CTDSPL: variants seen among roughly 807,000 people sequenced by gnomAD.
CTDSPL encodes CTD small phosphatase like, also known as CTD small phosphatase-like protein.
A neutral mutation model predicts 30.5 loss-of-function variants in CTDSPL; 8 were observed. The ratio of observed to expected loss-of-function variants is 0.26; its 90% confidence interval spans 0.15 to 0.47. CTDSPL has a LOEUF of 0.47. Among genes scored for constraint, CTDSPL ranks in the 20% least tolerant of loss-of-function variants. CTDSPL has a pLI of 0.99. For missense variants in CTDSPL, 248 were observed against 366.1 expected, an observed-to-expected ratio of 0.68 and a Z score of 2.63; for synonymous variants, 110 against 137.9, an observed-to-expected ratio of 0.80 and a Z score of 1.42.
At chr3:37,953,621 A>G (rs887140373) in intron 2 of CTDSPL, among the ~76,000 whole-genome samples, 1 of 152,226 alleles carries the variant, frequency 6.6e-6, no homozygotes, top group African/African-American at 2.4e-5. Context: ...CAAGAGTGGC[A>G]ATGTTAATAT....
chr3:37,968,318 G>T (rs1348806371), intron 5 of CTDSPL: 4 of 435,950 alleles, frequency 9.2e-6, no homozygotes, highest in Non-Finnish European at 1.8e-5. Context: ...TATCATTCCT[G>T]CATCGTTTTC....
intron 7 of CTDSPL, among the ~76,000 whole-genome samples, chr3:37,978,840 G>C (rs539545628): frequency 6.6e-6 from 1 of 152,180 alleles, no homozygotes; most frequent in South Asian, 2.1e-4. Context: ...ATTGCTAATG[G>C]GATATACTTT....
intron 4 of CTDSPL, 25 bp from the exon 5 acceptor site, chr3:37,967,801 T>G (rs1392888482): frequency 6.5e-7 from 1 of 1,527,740 alleles, no homozygotes; most frequent in Admixed American, 2.0e-5. Flanking sequence ...TCAGACATAT[T>G]AATTATAGTC....
intron 1 of CTDSPL, chr3:37,911,794 C>G: frequency 2.2e-6 from 1 of 452,900 alleles, no homozygotes; most frequent in Non-Finnish European, 4.5e-6. Flanking sequence ...CGCGGTGGTT[C>G]ACGCCTATAA....
intron 2 of CTDSPL, among the ~76,000 whole-genome samples, chr3:37,952,444 G>C (rs1699121399): frequency 6.6e-6 from 1 of 152,162 alleles, no homozygotes; most frequent in Non-Finnish European, 1.5e-5. Context: ...TGATCTCAAA[G>C]TCGCAAGCTT....
At chr3:37,868,623 G>A (rs924152610) in intron 1 of CTDSPL, among the ~76,000 whole-genome samples, 1 of 152,030 alleles carries the variant, frequency 6.6e-6, no homozygotes, top group Non-Finnish European at 1.5e-5. Context: ...GTCTCTGAGT[G>A]TCTGGTTGCT....
intron 5 of CTDSPL, chr3:37,968,126 T>C (rs1419689789): frequency 4.6e-5 from 22 of 477,918 alleles, no homozygotes; most frequent in Non-Finnish European, 6.4e-5. Context: ...GTTCTTTGAT[T>C]TGAATTTCAG....
intron 1 of CTDSPL, among the ~76,000 whole-genome samples, chr3:37,896,019 G>T (rs529576308): frequency 6.6e-6 from 1 of 152,258 alleles, no homozygotes; most frequent in East Asian, 1.9e-4. Context: ...GTTGGTTGAG[G>T]CTTCATTGGG....
In CTDSPL at chr3:37,861,984, G is replaced by C. The variant is rs1233294504; in HGVS notation, c.-216G>C. 2 of 146,292 alleles carry C rather than the reference G, an allele frequency of 1.4e-5. No individual in the cohort carries two copies. Among genetic ancestry groups the C allele is most frequent in the Non-Finnish European group, 1.5e-5 (1 of 65,970 alleles). The allele number at this position is 146,292 out of a possible 1,614,324, so 9.1% of individuals were successfully genotyped here. The stretch of plus-strand genomic sequence containing the variant: ...GCGCGGCTCCGGGGTTCATGGTGAC[G>C]AGGCGGCGGCCGCTCGAGCCCAGCG... On this transcript the variant is annotated 5_prime_UTR_variant, in exon 1 of 8. Coordinates refer to ENST00000273179, the MANE Select transcript of CTDSPL (RefSeq NM_001008392.2).
At chr3:37,892,161 AAC>A (rs1430599324) in intron 1 of CTDSPL, among the ~76,000 whole-genome samples, 1 of 152,168 alleles carries the variant, frequency 6.6e-6, no homozygotes, top group Non-Finnish European at 1.5e-5. Flanking sequence ...GTGCTGCATT[AAC>A]ACCTTTAACT....
chr3:37,953,517 C>T lies in CTDSPL; in HGVS notation c.235-3594C>T, dbSNP rs186361375. Among the ~76,000 whole-genome samples, 277 of 152,222 alleles carry T rather than the reference C, an allele frequency of 1.8e-3. 1 individual carries two copies. Among genetic ancestry groups the T allele is most frequent in the African/African-American group, 6.5e-3 (270 of 41,550 alleles). On this transcript the variant is annotated intron_variant, in intron 2 of 7. Coordinates refer to ENST00000273179, the MANE Select transcript of CTDSPL (RefSeq NM_001008392.2). ...TGGTGGACAGTGCTAATGACAATTA[C>T]AGTAGGTGACAGTTTCTGACATAAC...
At chr3:37,964,696 C>T (rs1395614530) in intron 4 of CTDSPL, 24 bp downstream of exon 4, 1 of 1,490,116 alleles carries the variant, frequency 6.7e-7, no homozygotes, top group East Asian at 2.3e-5. Context: ...AAAAAAAAAT[C>T]CATGATCTTT....
chr3:37,936,067 A>G (rs754378024), intron 1 of CTDSPL, among the ~76,000 whole-genome samples: 2 of 152,204 alleles, frequency 1.3e-5, no homozygotes, highest in Non-Finnish European at 2.9e-5. Flanking sequence ...TTATGAACCC[A>G]CAGTGGATGG....
At chr3:37,888,641 A>G (rs1242775902) in intron 1 of CTDSPL, among the ~76,000 whole-genome samples, 1 of 152,224 alleles carries the variant, frequency 6.6e-6, no homozygotes, top group Non-Finnish European at 1.5e-5. Context: ...AAGGGAACTG[A>G]CTGGTTTACA....
At chr3:37,918,228 C>G (rs1698672359) in intron 1 of CTDSPL, among the ~76,000 whole-genome samples, 1 of 151,988 alleles carries the variant, frequency 6.6e-6, no homozygotes, top group African/African-American at 2.4e-5. Flanking sequence ...TTGTGCAGGT[C>G]ACTTCATTTC....
rs556801147 is a variant in CTDSPL at position 37,958,992 on chromosome 3, G to A, written c.267+1849G>A. On this transcript the variant is annotated intron_variant, in intron 3 of 7. Coordinates refer to ENST00000273179, the MANE Select transcript of CTDSPL (RefSeq NM_001008392.2). ...AAAGGCGCCAGGTTGCATAAGCAGCGTGGTTCTGGCCTTTCTGGACCTCAG... is the reference window on the plus strand; with the variant it reads ...AAAGGCGCCAGGTTGCATAAGCAGCATGGTTCTGGCCTTTCTGGACCTCAG... Among the ~76,000 whole-genome samples, 95 of 152,196 alleles carry A rather than the reference G, an allele frequency of 6.2e-4. 1 individual carries two copies. Among genetic ancestry groups the A allele is most frequent in the Non-Finnish European group, 1.1e-3 (74 of 68,036 alleles).
intron 1 of CTDSPL, among the ~76,000 whole-genome samples, chr3:37,921,756 G>A (rs1698719293): frequency 6.6e-6 from 1 of 152,190 alleles, no homozygotes; most frequent in Non-Finnish European, 1.5e-5. Flanking sequence ...CACCTGTAAG[G>A]AAGTGGTGTT....
intron 1 of CTDSPL, among the ~76,000 whole-genome samples, chr3:37,902,400 G>A (rs779119955): frequency 2.6e-5 from 4 of 151,822 alleles, no homozygotes; most frequent in South Asian, 2.1e-4. Flanking sequence ...AGGACATAGG[G>A]AAACTTGGTA....
chr3:37,978,858 G>C (rs1699457966), intron 7 of CTDSPL, among the ~76,000 whole-genome samples: 1 of 152,088 alleles, frequency 6.6e-6, no homozygotes, highest in African/African-American at 2.4e-5. Flanking sequence ...TTTACTTCTA[G>C]CCCATACTAC....
Sources: allele counts gnomAD v4.1 joint callset (sites outside exome capture counted in the v4.1 genomes callset), GRCh38; gene constraint gnomAD v4.1.1; transcripts MANE v1.5; gene names NCBI Gene and HGNC (gene_info 2026-07-23, HGNC 2026-07-21).